Variants in LRP6 observed in about 807,000 individuals in gnomAD.
LRP6 encodes low-density lipoprotein receptor-related protein 6.
LRP6 carries 43 observed loss-of-function variants against 184.1 expected under a neutral mutation model. The observed-to-expected ratio is 0.23, with a 90% CI of 0.18 to 0.30. The LOEUF is 0.30. Ranked by LOEUF, LRP6 falls within the 10% of genes least tolerant of loss-of-function variation. The probability of loss-of-function intolerance (pLI) is 1.00; values close to 1 mark genes in which losing one functional copy is unlikely to be tolerated. For synonymous variants in LRP6, 719 were observed against 684.9 expected, an observed-to-expected ratio of 1.05 and a Z score of -0.78; for missense variants, 1,571 against 2,005.3, an observed-to-expected ratio of 0.78 and a Z score of 4.14.
At chr12:12,180,101 G>C in intron 6 of LRP6, 120 bp from the exon 7 acceptor site, 1 of 738,556 alleles carries the variant, frequency 1.4e-6, no homozygotes, top group Non-Finnish European at 2.2e-6. Flanking sequence ...CCAAGGAAGG[G>C]GAAAAAAAAA....
intron 1 of LRP6, among the ~76,000 whole-genome samples, chr12:12,265,506 T>G (rs948149887): frequency 6.6e-6 from 1 of 152,252 alleles, no homozygotes; most frequent in Middle Eastern, 3.2e-3. Flanking sequence ...ATTAGTGTTC[T>G]GTAAACTTAA....
At chr12:12,180,009 A>G (rs934255524) in intron 6 of LRP6, 28 bp from the exon 7 acceptor site, 1 of 1,573,730 alleles carries the variant, frequency 6.4e-7, no homozygotes, top group African/African-American at 1.3e-5. Flanking sequence ...AAATGAGCTA[A>G]AAATAGATAA....
At chr12:12,149,271 T>A in intron 13 of LRP6, 118 bp from the exon 14 acceptor site, 1 of 809,352 alleles carries the variant, frequency 1.2e-6, no homozygotes, top group Non-Finnish European at 2.2e-6. Context: ...TCTCAAGTCT[T>A]AAGGAGTATT....
chr12:12,150,159 C>T (rs1591888390), intron 13 of LRP6, among the ~76,000 whole-genome samples: 1 of 152,014 alleles, frequency 6.6e-6, no homozygotes, highest in Admixed American at 6.6e-5. Flanking sequence ...TGACAGGGCT[C>T]GGCCACAGAA....
At chr12:12,215,993 C>T (rs574053750) in intron 2 of LRP6, among the ~76,000 whole-genome samples, 1 of 152,112 alleles carries the variant, frequency 6.6e-6, no homozygotes, top group Non-Finnish European at 1.5e-5. Flanking sequence ...GCCTGGGCGA[C>T]AAGAGGGAAA....
intron 20 of LRP6, 38 bp from the exon 21 acceptor site, chr12:12,125,470 G>A: frequency 1.9e-6 from 3 of 1,587,948 alleles, no homozygotes; most frequent in South Asian, 2.2e-5. Context: ...AGATGAGTAT[G>A]ATATATAAAA....
At chr12:12,134,601 C>T (rs1949806621) in intron 17 of LRP6, among the ~76,000 whole-genome samples, 2 of 152,062 alleles carry the variant, frequency 1.3e-5, no homozygotes, top group Non-Finnish European at 1.5e-5. Flanking sequence ...AAAGAAGCAA[C>T]AGGAATTTGC....
At chr12:12,195,355 C>A (rs927554976) in intron 3 of LRP6, among the ~76,000 whole-genome samples, 26 of 151,882 alleles carry the variant, frequency 1.7e-4, no homozygotes, top group African/African-American at 5.8e-4. Context: ...CATTCTTGAC[C>A]GTATTATTTT....
intron 1 of LRP6, among the ~76,000 whole-genome samples, chr12:12,250,673 A>G (rs1301200478): frequency 6.6e-6 from 1 of 152,146 alleles, no homozygotes; most frequent in Non-Finnish European, 1.5e-5. Context: ...CCCAGGCTGG[A>G]GTGCAGTGGC....
rs182278950 is a variant in LRP6 at position 12,201,147 on chromosome 12, G to A, written c.647+2056C>T. ...GCTTGCTTTCTGAGATCTACTAGCCGTTGATCTTCCCATCTTTATCTGAAC... is the reference window on the plus strand; with the variant it reads ...GCTTGCTTTCTGAGATCTACTAGCCATTGATCTTCCCATCTTTATCTGAAC... On this transcript the variant is annotated intron_variant, in intron 3 of 22. Coordinates refer to ENST00000261349, the MANE Select transcript of LRP6 (RefSeq NM_002336.3). 5.3e-5 allele frequency among the ~76,000 whole-genome samples: 8 copies of A among 152,170 alleles called. No individual in the cohort carries two copies. In the East Asian group the frequency reaches 5.8e-4, roughly 11 times the overall value.
chr12:12,171,753 G>T (rs147466790), intron 7 of LRP6, among the ~76,000 whole-genome samples: 1 of 152,106 alleles, frequency 6.6e-6, no homozygotes, highest in Non-Finnish European at 1.5e-5. Context: ...TACTTTTGTA[G>T]AGGTGACACT....
At chr12:12,136,406 T>G (rs769014649) in intron 16 of LRP6, among the ~76,000 whole-genome samples, 1 of 152,148 alleles carries the variant, frequency 6.6e-6, no homozygotes. Context: ...AACAGAACAA[T>G]TCAGAAACAA....
At chr12:12,205,952 C>T (rs961542784) in intron 2 of LRP6, among the ~76,000 whole-genome samples, 6 of 152,118 alleles carry the variant, frequency 3.9e-5, no homozygotes, top group African/African-American at 1.4e-4. Flanking sequence ...AATGGTGGTC[C>T]TATAAAACTA....
At chr12:12,182,506 T>C (rs960658126) in intron 5 of LRP6, among the ~76,000 whole-genome samples, 2 of 152,026 alleles carry the variant, frequency 1.3e-5, no homozygotes, top group African/African-American at 4.8e-5. Context: ...AGTAAGCAAA[T>C]TGACAACTGA....
chr12:12,217,351 A>T (rs1305754437), intron 2 of LRP6, among the ~76,000 whole-genome samples: 2 of 151,270 alleles, frequency 1.3e-5, no homozygotes. Flanking sequence ...CCTAGATAAG[A>T]CCATCTAGTT....
At chr12:12,243,733 C>T (rs544857374) in intron 2 of LRP6, among the ~76,000 whole-genome samples, 99 of 152,180 alleles carry the variant, frequency 6.5e-4, no homozygotes, top group African/African-American at 2.2e-3. Context: ...CTGGGCAACA[C>T]GGTGAAATTC....
intron 3 of LRP6, among the ~76,000 whole-genome samples, chr12:12,192,485 C>T (rs1240966796): frequency 1.3e-5 from 2 of 151,550 alleles, no homozygotes; most frequent in Non-Finnish European, 2.9e-5. Flanking sequence ...GGCTGTTAGA[C>T]TGAATAAAGC....
chr12:12,196,190 T>C (rs1863755209), intron 3 of LRP6, among the ~76,000 whole-genome samples: 1 of 149,868 alleles, frequency 6.7e-6, no homozygotes, highest in Admixed American at 6.7e-5. Context: ...TATGGTCCCA[T>C]ACAAATTTTA....
chr12:12,134,157 G>A (rs923571011), intron 17 of LRP6, among the ~76,000 whole-genome samples: 6 of 151,872 alleles, frequency 4.0e-5, no homozygotes, highest in African/African-American at 1.2e-4. Flanking sequence ...CCACCCACCC[G>A]ATCAACAATT....
Sources: gnomAD v4.1 joint callset for allele counts (sites outside exome capture counted in the v4.1 genomes callset) on GRCh38, gnomAD v4.1.1 for gene constraint, MANE v1.5 for transcripts, NCBI Gene and HGNC (gene_info 2026-07-23, HGNC 2026-07-21) for gene names.